The following COLEC12 variants were observed in gnomAD, a reference collection of about 807,000 sequenced individuals.
COLEC12 encodes the protein collectin-12.
A neutral mutation model predicts 71.1 loss-of-function variants in COLEC12; 33 were observed. The observed-to-expected ratio is 0.46, with a 90% CI of 0.35 to 0.62. The LOEUF is 0.62. Among genes scored for constraint, COLEC12 ranks in the 20% least tolerant of loss-of-function variants. The pLI is 0.00. For synonymous variants in COLEC12, 350 were observed against 353.0 expected, an observed-to-expected ratio of 0.99 and a Z score of 0.10; for missense variants, 765 against 916.1, an observed-to-expected ratio of 0.84 and a Z score of 2.13.
chr18:378,665 T>C (rs1205707253), intron 2 of COLEC12, among the ~76,000 whole-genome samples: 1 of 152,216 alleles, frequency 6.6e-6, no homozygotes, highest in Non-Finnish European at 1.5e-5. Flanking sequence ...CATAGCCTAT[T>C]GTGCTCTCCG....
At position 319,944 on chromosome 18, in the gene COLEC12, C is replaced by CTTTTTTT; in HGVS notation, c.*94_*100dup. On this transcript the variant is annotated 3_prime_UTR_variant, in exon 10 of 10. Transcript: ENST00000400256. ...TTTTTTCAGTAATTGGTTTTCAGTG[C>CTTTTTTT]TTTTTTTTTTTCAATCTGATGAGAA... 1.7e-6 allele frequency: 1 copy of CTTTTTTT among 604,094 alleles called. No homozygotes were observed. 37.4% of individuals were successfully genotyped at this position (604,094 alleles called of 1,614,324 possible). A position where few individuals can be genotyped will look rare whatever the true frequency, so the allele number is the denominator to read the frequency against.
chr18:369,391 T>A (rs1233947345), intron 2 of COLEC12, among the ~76,000 whole-genome samples: 197 of 142,076 alleles, frequency 1.4e-3, no homozygotes, highest in African/African-American at 2.2e-3. Flanking sequence ...AGATCTTTTT[T>A]TTTTTATTTT....
At chr18:461,835 G>C (rs1225522314) in intron 2 of COLEC12, among the ~76,000 whole-genome samples, 1 of 152,160 alleles carries the variant, frequency 6.6e-6, no homozygotes, top group Non-Finnish European at 1.5e-5. Context: ...CTCAGGTACA[G>C]CACTGCCCTG....
Position 496,650 on chromosome 18 carries a change from T to C in COLEC12, c.7+3858A>G, listed in dbSNP as rs544655748. 3.9e-5 allele frequency among the ~76,000 whole-genome samples: 6 copies of C among 152,362 alleles called. No individual in the cohort carries two copies. In the East Asian group the frequency reaches 1.2e-3, roughly 29 times the overall value. ...TTGGGAGAAGTATACTGCTTACTAG[T>C]GCATTTTAAATATATTATTGCCAAA... On this transcript the variant is annotated intron_variant, in intron 1 of 9. Coordinates refer to ENST00000400256, the MANE Select transcript of COLEC12 (RefSeq NM_130386.3).
At chr18:331,887 G>T in intron 7 of COLEC12, 110 bp from the exon 8 acceptor site, 1 of 687,246 alleles carries the variant, frequency 1.5e-6, no homozygotes, top group Non-Finnish European at 2.5e-6. Context: ...GAGGATGGTT[G>T]TCAGAATGTG....
At chr18:434,610 T>C (rs1438980968) in intron 2 of COLEC12, among the ~76,000 whole-genome samples, 1 of 152,234 alleles carries the variant, frequency 6.6e-6, no homozygotes, top group African/African-American at 2.4e-5. Context: ...AGGTTGCCAG[T>C]AACTCCTGCC....
chr18:446,105 T>C (rs1916643940), intron 2 of COLEC12, among the ~76,000 whole-genome samples: 1 of 152,248 alleles, frequency 6.6e-6, no homozygotes, highest in African/African-American at 2.4e-5. Context: ...CTCCACTGTA[T>C]GTATATTCTA....
intron 2 of COLEC12, among the ~76,000 whole-genome samples, chr18:400,196 T>C (rs959811015): frequency 6.6e-6 from 1 of 152,130 alleles, no homozygotes. Context: ...AATCTCTGGA[T>C]ACTGGACAAT....
At chr18:350,282 T>C (rs1054077679) in intron 3 of COLEC12, among the ~76,000 whole-genome samples, 20 of 152,180 alleles carry the variant, frequency 1.3e-4, no homozygotes, top group Admixed American at 1.1e-3. Context: ...TTTTCATCTT[T>C]CTCACTTTCT....
At chr18:484,492 A>C (rs1917483217) in intron 1 of COLEC12, among the ~76,000 whole-genome samples, 1 of 152,222 alleles carries the variant, frequency 6.6e-6, no homozygotes, top group Non-Finnish European at 1.5e-5. Context: ...AAATCACAAG[A>C]GACATGAGGG....
At chr18:377,092 A>G (rs1217062424) in intron 2 of COLEC12, among the ~76,000 whole-genome samples, 2 of 152,168 alleles carry the variant, frequency 1.3e-5, no homozygotes, top group Non-Finnish European at 2.9e-5. Flanking sequence ...AGGGGAGGAA[A>G]GGGAAGAGGG....
intron 2 of COLEC12, among the ~76,000 whole-genome samples, chr18:373,552 T>C (rs901039359): frequency 6.6e-6 from 1 of 152,258 alleles, no homozygotes; most frequent in African/African-American, 2.4e-5. Flanking sequence ...TATATAATTA[T>C]GTACCATAAA....
chr18:321,497 A>G (rs1424275485), intron 9 of COLEC12, among the ~76,000 whole-genome samples, 165 bp downstream of exon 9: 1 of 152,232 alleles, frequency 6.6e-6, no homozygotes, highest in Admixed American at 6.5e-5. Context: ...AGAAGATGCT[A>G]TTACTATTTC....
At chr18:409,781 T>C (rs1915858590) in intron 2 of COLEC12, among the ~76,000 whole-genome samples, 1 of 152,224 alleles carries the variant, frequency 6.6e-6, no homozygotes. Flanking sequence ...ATACCTACAC[T>C]TATACACATA....
intron 2 of COLEC12, among the ~76,000 whole-genome samples, chr18:433,942 C>T (rs968568747): frequency 1.7e-4 from 22 of 131,470 alleles, no homozygotes; most frequent in Admixed American, 1.3e-3. Context: ...CCAGCCTGGG[C>T]GACAAAGTGA....
At chr18:348,936 A>G (rs535258984) in intron 3 of COLEC12, among the ~76,000 whole-genome samples, 14 of 152,282 alleles carry the variant, frequency 9.2e-5, no homozygotes, top group African/African-American at 3.1e-4. Flanking sequence ...GTGTTGTGGG[A>G]GGGACTTGGT....
intron 2 of COLEC12, among the ~76,000 whole-genome samples, chr18:360,743 T>G (rs1007044033): frequency 6.6e-6 from 1 of 152,212 alleles, no homozygotes; most frequent in Admixed American, 6.5e-5. Flanking sequence ...TAGAAGCTGG[T>G]CATGATGGAT....
chr18:387,018 C>T (rs534580847), intron 2 of COLEC12, among the ~76,000 whole-genome samples: 1 of 152,230 alleles, frequency 6.6e-6, no homozygotes, highest in East Asian at 1.9e-4. Context: ...CACATTGCTG[C>T]CCCATGATCG....
At chr18:325,317 G>A (rs1204140343) in intron 8 of COLEC12, among the ~76,000 whole-genome samples, 1 of 152,208 alleles carries the variant, frequency 6.6e-6, no homozygotes, top group Admixed American at 6.5e-5. Context: ...GTGACTCGTA[G>A]TGTGACAGCA....
Sources: allele counts gnomAD v4.1 joint callset (sites outside exome capture counted in the v4.1 genomes callset), GRCh38; gene constraint gnomAD v4.1.1; transcripts MANE v1.5; gene names NCBI Gene and HGNC (gene_info 2026-07-23, HGNC 2026-07-21).